The following OXNAD1 variants were observed in gnomAD, a reference collection of about 807,000 sequenced individuals.
OXNAD1 encodes the protein oxidoreductase NAD-binding domain-containing protein 1.
In OXNAD1, 34 loss-of-function variants were observed where a neutral mutation model predicts 32.9. The ratio of observed to expected loss-of-function variants is 1.03; its 90% CI spans 0.79 to 1.38. The LOEUF (loss-of-function observed/expected upper bound fraction) is 1.38, where lower values mean the gene tolerates loss of function less well. Ranked by LOEUF, OXNAD1 falls within the 40% of genes most tolerant of loss-of-function variation. The pLI, the probability that OXNAD1 is intolerant of heterozygous loss-of-function variation, is 0.00. For missense variants in OXNAD1, 407 were observed against 379.4 expected (o/e 1.07, Z -0.60); for synonymous variants, 134 against 135.2 (o/e 0.99, Z 0.06).
intron 9 of OXNAD1, among the ~76,000 whole-genome samples, chr3:16,311,216 C>T (rs1471644719): frequency 3.4e-5 from 4 of 117,088 alleles, no homozygotes; most frequent in Non-Finnish European, 5.5e-5. Flanking sequence ...TTTTTTCAAA[C>T]GGAGTCTTGC....
chr3:16,311,849 C>T (rs763223510), intron 9 of OXNAD1, among the ~76,000 whole-genome samples: 4 of 152,172 alleles, frequency 2.6e-5, no homozygotes, highest in Non-Finnish European at 4.4e-5. Flanking sequence ...CAACAAGGAC[C>T]AGAATCCTTA....
At position 16,271,300 on chromosome 3, in the gene OXNAD1, T is replaced by C. The variant is rs1464152861; in HGVS notation, c.119+229T>C. ...CTCACTGCAACCTCCACCTCCTGGA[T>C]TCAAGTGATTCTCCTGTCTTAGCCT... On this transcript the variant is annotated intron_variant, in intron 3 of 8. Coordinates refer to ENST00000285083, the MANE Select transcript of OXNAD1 (RefSeq NM_138381.5). This position sits in a 1 kb window ranked among gnomAD's most constrained non-coding sequence, Gnocchi z 4.6. 3 of 567,894 alleles carry C rather than the reference T, an allele frequency of 5.3e-6. No individual in the cohort carries two copies. Among genetic ancestry groups the C allele is most frequent in the South Asian group, 4.6e-5 (2 of 43,786 alleles). The allele number at this position is 567,894 out of a possible 1,614,324, so 35.2% of individuals were successfully genotyped here.
intron 2 of OXNAD1, 79 bp from the exon 3 acceptor site, chr3:16,270,866 T>C: frequency 7.6e-6 from 12 of 1,581,410 alleles, no homozygotes; most frequent in Non-Finnish European, 1.0e-5. Context: ...ACACTCTTCC[T>C]CACTGACCCT....
intron 9 of OXNAD1, among the ~76,000 whole-genome samples, chr3:16,324,448 C>G (rs1325974787): frequency 6.6e-6 from 1 of 152,108 alleles, no homozygotes; most frequent in African/African-American, 2.4e-5. Context: ...CGCCCCACTC[C>G]CCAGCCTCTG....
chr3:16,332,806 CTAATCT>C (rs1320205850), intron 9 of OXNAD1, among the ~76,000 whole-genome samples: 1 of 15,408 alleles, frequency 6.5e-5, no homozygotes, highest in Non-Finnish European at 1.5e-4. Flanking sequence ...TTATCTTCTT[CTAATCT>C]TTTTGTTCTT....
chr3:16,310,617 T>TC (rs2067903475), downstream of OXNAD1, among the ~76,000 whole-genome samples: 2 of 152,224 alleles, frequency 1.3e-5, no homozygotes, highest in Non-Finnish European at 2.9e-5. Context: ...CAAGACCCAG[T>TC]CCCTACAGTT....
rs960989563 is a variant in OXNAD1 at position 16,287,588 on chromosome 3, A to T, written c.290+1140A>T. ...CTTTAATTGTAATGATCTGTTTTCC[A>T]TATTTCCTTTCTGTGGAAATGTTTG... On this transcript the variant is annotated intron_variant, in intron 5 of 8. Coordinates refer to ENST00000285083, the MANE Select transcript of OXNAD1 (RefSeq NM_138381.5). This position sits in a 1 kb window ranked among gnomAD's most constrained non-coding sequence, Gnocchi z 4.8. Among the ~76,000 whole-genome samples the T allele has an allele frequency of 3.9e-5, 6 of 152,210 alleles. No homozygotes were observed. Among genetic ancestry groups the T allele is most frequent in the African/African-American group, 1.2e-4 (5 of 41,458 alleles).
intron 2 of OXNAD1, among the ~76,000 whole-genome samples, chr3:16,270,397 G>A (rs545527318): frequency 6.6e-6 from 1 of 152,286 alleles, no homozygotes; most frequent in Admixed American, 6.5e-5. Flanking sequence ...CTGTGTGAAT[G>A]TATCACAGTT....
chr3:16,351,765 G>A (rs1293326683), downstream of OXNAD1, among the ~76,000 whole-genome samples: 5 of 151,972 alleles, frequency 3.3e-5, no homozygotes, highest in Admixed American at 2.0e-4. The surrounding 1 kb of genome is among the most constrained non-coding windows in gnomAD (Gnocchi z 5.4). Flanking sequence ...GCAAAAACAA[G>A]TTGTTTCTCA....
At chr3:16,292,413 G>A (rs1470270877) in intron 5 of OXNAD1, among the ~76,000 whole-genome samples, 1 of 151,890 alleles carries the variant, frequency 6.6e-6, no homozygotes, top group Non-Finnish European at 1.5e-5. Context: ...AGCTGGTCTC[G>A]AACTCCTGAC....
chr3:16,294,508 C>T (rs1052909601), intron 5 of OXNAD1, among the ~76,000 whole-genome samples: 7 of 152,196 alleles, frequency 4.6e-5, no homozygotes, highest in Non-Finnish European at 8.8e-5. Context: ...TGCGACTGGC[C>T]TGGGCCTGAG....
At position 16,286,417 on chromosome 3, in the gene OXNAD1, G is replaced by C. The variant is rs373342829; in HGVS notation, c.259G>C (p.Asp87His). The change falls in exon 5 of 9, where the codon GAT becomes CAT. Residue 87 changes from aspartate (D) to histidine (H), a missense_variant. Asp to His is a moderately conservative substitution (Grantham distance 81, BLOSUM62 -1). Coordinates refer to ENST00000285083, the MANE Select transcript of OXNAD1 (RefSeq NM_138381.5). ...GAAGAGCCTCCGCTTGCTTGTTGCT[G>C]ATCAAGACTTTTCCTTTAAAGCTGG... is the stretch of plus-strand genomic sequence containing the variant. ...SVKSLRLLVA[D>H]QDFSFKAGQW... is the part of the protein sequence containing the mutation. The C allele has an allele frequency of 6.2e-7, 1 of 1,613,914 alleles. No individual in the cohort carries two copies. Among genetic ancestry groups the C allele is most frequent in the Non-Finnish European group, 8.5e-7 (1 of 1,179,842 alleles).
rs1005823205 is a variant in OXNAD1, at chr3:16,329,133, C to CAA, written c.*31-7978_*31-7977dup. 1.3e-5 allele frequency among the ~76,000 whole-genome samples: 2 copies of CAA among 152,222 alleles called. No individual in the cohort carries two copies. The highest frequency in any genetic ancestry group is 3.9e-4 in the East Asian group (2 of 5,184). On this transcript the variant is annotated intron_variant, in intron 9 of 9. Coordinates refer to the OXNAD1 transcript ENST00000435829. The surrounding 1 kb of genome is among the most constrained non-coding windows in gnomAD (Gnocchi z 4.5). ...AACTCAGGCAAAGGGCTTGAGGCTACAAGTTCAGTCTCCTGCTCTCTCCCC... is the reference window on the plus strand; with the variant it reads ...AACTCAGGCAAAGGGCTTGAGGCTACAAAAGTTCAGTCTCCTGCTCTCTCCCC...
At chr3:16,286,915 T>C (rs939519626) in intron 5 of OXNAD1, among the ~76,000 whole-genome samples, 7 of 152,202 alleles carry the variant, frequency 4.6e-5, no homozygotes, top group African/African-American at 1.2e-4. Flanking sequence ...ATCACAGGGC[T>C]CACTACCCTC....
In OXNAD1 at chr3:16,319,601, C is replaced by T. The variant is rs11922469; in HGVS notation, c.*30+16009C>T. ...CTAATATGAGCCCAGATACTCTCTCCGGGGCTGCTCTTGCTAAATAACAGA... is the reference window on the plus strand; with the variant it reads ...CTAATATGAGCCCAGATACTCTCTCTGGGGCTGCTCTTGCTAAATAACAGA... On this transcript the variant is annotated intron_variant, in intron 9 of 9. Transcript: ENST00000435829. Among the ~76,000 whole-genome samples the T allele has an allele frequency of 1.4e-4, 21 of 152,200 alleles. No individual in the cohort carries two copies. The South Asian group carries it at 3.3e-3, about 24-fold the overall frequency.
chr3:16,329,335 G>T lies in OXNAD1; in HGVS notation c.*31-7777G>T, dbSNP rs897448943. On this transcript the variant is annotated intron_variant, in intron 9 of 9. Transcript: ENST00000435829. The surrounding 1 kb of genome is among the most constrained non-coding windows in gnomAD (Gnocchi z 4.5). ...AGCACAAGTGGACCGAGACAGGGCG[G>T]AAGTGGAGAAAGGGAAAGGGAAAGA... 6.8e-6 allele frequency among the ~76,000 whole-genome samples: 1 copy of T among 147,860 alleles called. No homozygotes were observed. The highest frequency in any genetic ancestry group is 1.5e-5 in the Non-Finnish European group (1 of 65,898).
intron 9 of OXNAD1, chr3:16,323,384 CCTT>C (rs764763329): frequency 2.7e-5 from 44 of 1,608,132 alleles, no homozygotes; most frequent in East Asian, 8.9e-5. Context: ...ACCTTCGATT[CCTT>C]CTTCTTGATT....
chr3:16,322,333 C>T lies in OXNAD1; in HGVS notation c.*31-14779C>T, dbSNP rs956921584. Reference sequence around the variant, plus strand: ...GCACTCCTTCCACAAGTGGGCTCCCCCTGGAGTTGTTGGCTGGTGAGGGGC... The same window carrying T: ...GCACTCCTTCCACAAGTGGGCTCCCTCTGGAGTTGTTGGCTGGTGAGGGGC... On this transcript the variant is annotated intron_variant, in intron 9 of 9. Coordinates refer to the OXNAD1 transcript ENST00000435829. This position sits in a 1 kb window ranked among gnomAD's most constrained non-coding sequence, Gnocchi z 6.2. Among the ~76,000 whole-genome samples the T allele has an allele frequency of 6.6e-6, 1 of 152,224 alleles. No individual in the cohort carries two copies. Among genetic ancestry groups the T allele is most frequent in the Non-Finnish European group, 1.5e-5 (1 of 68,042 alleles).
At position 16,303,496 on chromosome 3, in the gene OXNAD1, T is replaced by C; in HGVS notation, c.873T>C (p.Phe291=). The change falls in exon 9 of 9, where the codon TTT becomes TTC. Residue 291 remains phenylalanine, a synonymous_variant. Transcript: ENST00000285083. The surrounding 1 kb of genome is among the most constrained non-coding windows in gnomAD (Gnocchi z 4.8). The part of the protein sequence containing the change: ...YICGPPPMTD[F]FSKQLENNHV... The stretch of plus-strand genomic sequence containing the variant: ...GTGGCCCACCTCCAATGACAGACTT[T>C]TTCTCCAAGCAACTGGAAAACAACC... 3 of 1,614,082 alleles carry C rather than the reference T, an allele frequency of 1.9e-6. No individual in the cohort carries two copies. The highest frequency in any genetic ancestry group is 2.5e-6 in the Non-Finnish European group (3 of 1,179,952).
Sources: allele counts gnomAD v4.1 joint callset (sites outside exome capture counted in the v4.1 genomes callset), GRCh38; gene constraint gnomAD v4.1.1; non-coding constraint Gnocchi (gnomAD v3.1); transcripts MANE v1.5; gene names NCBI Gene and HGNC (gene_info 2026-07-23, HGNC 2026-07-21).